The following PCDH15 variants were observed in gnomAD, a reference collection of about 807,000 sequenced individuals.
PCDH15 encodes the protein protocadherin related 15, also known as protocadherin-15.
In PCDH15, 129 loss-of-function variants were observed where a neutral mutation model predicts 178.5. That is an observed-to-expected ratio of 0.72 (90% CI 0.63 to 0.84). PCDH15 has a LOEUF of 0.84. PCDH15 is among the 40% of genes least tolerant of loss of function. The pLI, the probability that PCDH15 is intolerant of heterozygous loss-of-function variation, is 0.00. For missense variants in PCDH15, 2,230 were observed against 2,099.9 expected (o/e 1.06, Z -1.21); for synonymous variants, 800 against 732.0 (o/e 1.09, Z -1.50).
chr10:55,071,490 G>C (rs1280794330), intron 2 of PCDH15, among the ~76,000 whole-genome samples: 2 of 152,060 alleles, frequency 1.3e-5, no homozygotes, highest in Non-Finnish European at 2.9e-5. Context: ...AAGATAAAAA[G>C]AGACAAAGAA....
intron 7 of PCDH15, among the ~76,000 whole-genome samples, chr10:54,322,565 C>T (rs1026541347): frequency 4.0e-5 from 6 of 151,782 alleles, no homozygotes; most frequent in African/African-American, 1.5e-4. Flanking sequence ...ACATAATGTT[C>T]CAAGATCGAA....
intron 28 of PCDH15, among the ~76,000 whole-genome samples, chr10:53,849,670 G>T (rs1259646529): frequency 6.6e-6 from 1 of 151,700 alleles, no homozygotes; most frequent in Non-Finnish European, 1.5e-5. Flanking sequence ...CTAGACCATT[G>T]TGGCTAACAC....
chr10:55,592,453 C>A (rs1032450545), intron 2 of PCDH15, among the ~76,000 whole-genome samples: 1 of 152,164 alleles, frequency 6.6e-6, no homozygotes, highest in Non-Finnish European at 1.5e-5. Flanking sequence ...GCAGCTCTGT[C>A]CTCACAAGCT....
chr10:54,806,222 C>T (rs1358491845), upstream of PCDH15, among the ~76,000 whole-genome samples: 4 of 152,138 alleles, frequency 2.6e-5, no homozygotes, highest in Non-Finnish European at 5.9e-5. Flanking sequence ...ACATACGCTA[C>T]CTCTTCACAA....
intron 8 of PCDH15, among the ~76,000 whole-genome samples, chr10:54,265,120 AG>A (rs2057587638): frequency 6.6e-6 from 1 of 152,176 alleles, no homozygotes; most frequent in African/African-American, 2.4e-5. Flanking sequence ...GTACTCTAAA[AG>A]AAAAGACATT....
chr10:54,954,491 T>C (rs1404069630), intron 2 of PCDH15, among the ~76,000 whole-genome samples: 1 of 151,246 alleles, frequency 6.6e-6, no homozygotes, highest in Non-Finnish European at 1.5e-5. Context: ...CCTATGAAAT[T>C]TAGCAATTTT....
At chr10:54,354,721 AAAC>A (rs1421207248) in intron 5 of PCDH15, among the ~76,000 whole-genome samples, 1 of 151,792 alleles carries the variant, frequency 6.6e-6, no homozygotes, top group African/African-American at 2.4e-5. Context: ...TAGAAATTGT[AAAC>A]AAAACACACA....
At chr10:55,215,582 AG>A (rs1458037894) in intron 1 of PCDH15, among the ~76,000 whole-genome samples, 36 of 152,086 alleles carry the variant, frequency 2.4e-4, no homozygotes. Context: ...TATTAGGTAG[AG>A]GGGAAAATGA....
At chr10:54,550,091 A>G (rs1251908662) in intron 2 of PCDH15, among the ~76,000 whole-genome samples, 1 of 152,134 alleles carries the variant, frequency 6.6e-6, no homozygotes, top group East Asian at 1.9e-4. Flanking sequence ...TGGATTTTAA[A>G]GCTTTCTTAC....
intron 3 of PCDH15, among the ~76,000 whole-genome samples, chr10:54,842,594 A>G (rs939292357): frequency 6.6e-6 from 1 of 151,934 alleles, no homozygotes; most frequent in African/African-American, 2.4e-5. Flanking sequence ...AATAATGTAA[A>G]TTGCTACAAC....
chr10:55,471,008 T>C (rs1217837650), intron 2 of PCDH15, among the ~76,000 whole-genome samples: 1 of 152,196 alleles, frequency 6.6e-6, no homozygotes, highest in African/African-American at 2.4e-5. Context: ...TTGTTTTTAA[T>C]GCTGAATAAT....
At chr10:55,526,891 T>C (rs563273894) in intron 2 of PCDH15, among the ~76,000 whole-genome samples, 1 of 152,172 alleles carries the variant, frequency 6.6e-6, no homozygotes, top group Non-Finnish European at 1.5e-5. Flanking sequence ...CTTCTATTAT[T>C]ACTGCTAGGT....
At chr10:53,819,890 A>G (rs1165825469) in intron 33 of PCDH15, among the ~76,000 whole-genome samples, 2 of 152,048 alleles carry the variant, frequency 1.3e-5, no homozygotes, top group East Asian at 3.8e-4. Flanking sequence ...GCTTAAATAT[A>G]AAACACAGGT....
intron 2 of PCDH15, among the ~76,000 whole-genome samples, chr10:55,023,691 C>A (rs1840395885): frequency 6.6e-6 from 1 of 151,932 alleles, no homozygotes; most frequent in Non-Finnish European, 1.5e-5. Context: ...TTACTTACTG[C>A]TACAATAAAC....
chr10:54,104,845 C>CAAAAAAAAAAAA (rs56195842), intron 15 of PCDH15, among the ~76,000 whole-genome samples: 2 of 48,634 alleles, frequency 4.1e-5, no homozygotes, highest in African/African-American at 1.2e-4. Context: ...TCAACAACAA[C>CAAAAAAAAAAAA]AAAAAAAAAA....
At chr10:55,367,547 C>A (rs1447682690) in intron 2 of PCDH15, among the ~76,000 whole-genome samples, 2 of 151,980 alleles carry the variant, frequency 1.3e-5, no homozygotes, top group African/African-American at 4.8e-5. Context: ...TGCCACTGTA[C>A]CTCAGCCTGG....
chr10:54,447,343 C>T (rs1184512688), intron 3 of PCDH15, among the ~76,000 whole-genome samples: 1 of 151,640 alleles, frequency 6.6e-6, no homozygotes, highest in Non-Finnish European at 1.5e-5. Flanking sequence ...ACTTATTCCT[C>T]CTGGCTAACT....
At chr10:53,989,939 T>C (rs1463634074) in intron 21 of PCDH15, among the ~76,000 whole-genome samples, 1 of 152,198 alleles carries the variant, frequency 6.6e-6, no homozygotes, top group Non-Finnish European at 1.5e-5. Flanking sequence ...TGGTCCTGAA[T>C]AGTTTTGACT....
chr10:53,912,410 T>G (rs2083174645), intron 25 of PCDH15, among the ~76,000 whole-genome samples: 1 of 152,030 alleles, frequency 6.6e-6, no homozygotes, highest in Non-Finnish European at 1.5e-5. Flanking sequence ...CTCTTAACAC[T>G]CCTATTCAAC....
Sources: allele counts gnomAD v4.1 joint callset (sites outside exome capture counted in the v4.1 genomes callset), GRCh38; gene constraint gnomAD v4.1.1; transcripts MANE v1.5; gene names NCBI Gene and HGNC (gene_info 2026-07-23, HGNC 2026-07-21).